Variants in GTF3C1 observed in about 807,000 individuals in gnomAD.
GTF3C1 encodes general transcription factor IIIC subunit 1.
A neutral mutation model predicts 226.7 loss-of-function variants in GTF3C1; 57 were observed. That is an observed-to-expected ratio of 0.25 (90% CI 0.20 to 0.31). The LOEUF (loss-of-function observed/expected upper bound fraction) is 0.31, where lower values mean the gene tolerates loss of function less well. Ranked by LOEUF, GTF3C1 falls within the 10% of genes least tolerant of loss-of-function variation. The probability of loss-of-function intolerance (pLI) is 1.00; values close to 1 mark genes in which losing one functional copy is unlikely to be tolerated. For missense variants in GTF3C1, 2,217 were observed against 2,776.1 expected, an observed-to-expected ratio of 0.80 and a Z score of 4.53; for synonymous variants, 1,090 against 1,084.8, an observed-to-expected ratio of 1.00 and a Z score of -0.09.
chr16:27,540,452 A>T (rs994238236), intron 2 of GTF3C1, among the ~76,000 whole-genome samples: 1 of 152,236 alleles, frequency 6.6e-6, no homozygotes, highest in Non-Finnish European at 1.5e-5. Flanking sequence ...TTAAAACGTC[A>T]TTACTCTGAC....
At chr16:27,468,867 G>C (rs1217501683) in intron 32 of GTF3C1, among the ~76,000 whole-genome samples, 1 of 152,238 alleles carries the variant, frequency 6.6e-6, no homozygotes, top group Non-Finnish European at 1.5e-5. Context: ...TTCCTAGCAA[G>C]GGGTCAAAAG....
rs150021549 is a variant in GTF3C1, at chr16:27,512,522, C to T, written c.974-621G>A. On this transcript the variant is annotated intron_variant, in intron 6 of 36. Coordinates refer to ENST00000356183, the MANE Select transcript of GTF3C1 (RefSeq NM_001520.4). ...TACAGCACTCTTTATAGCATCAGAG[C>T]GATCTTATGCATACTACAAAAAAAC... Among the ~76,000 whole-genome samples the T allele has an allele frequency of 3.9e-3, 595 of 152,180 alleles. 4 individuals are homozygous for T. The highest frequency in any genetic ancestry group is 5.8e-3 in the Non-Finnish European group (397 of 68,018).
At chr16:27,527,859 C>T (rs1000162721) in intron 6 of GTF3C1, among the ~76,000 whole-genome samples, 1 of 151,378 alleles carries the variant, frequency 6.6e-6, no homozygotes, top group Non-Finnish European at 1.5e-5. Flanking sequence ...AAAAATTAGT[C>T]GGGTGTGGTG....
chr16:27,524,603 TGTTAGTTTCAA>T (rs2088801655), intron 6 of GTF3C1, among the ~76,000 whole-genome samples: 2 of 152,130 alleles, frequency 1.3e-5, no homozygotes, highest in African/African-American at 4.8e-5. Flanking sequence ...AGGTGTGAGG[TGTTAGTTTCAA>T]GTTAGTTTGG....
chr16:27,505,719 C>A (rs924744993), intron 10 of GTF3C1, among the ~76,000 whole-genome samples, 180 bp downstream of exon 10: 2 of 152,236 alleles, frequency 1.3e-5, no homozygotes, highest in African/African-American at 4.8e-5. Context: ...AGGGCCCAGG[C>A]TGCGTGAAAG....
chr16:27,547,107 G>A (rs575365733), intron 1 of GTF3C1, among the ~76,000 whole-genome samples: 41 of 152,170 alleles, frequency 2.7e-4, no homozygotes, highest in African/African-American at 9.2e-4. Context: ...TGACCTGACT[G>A]TCCTCTACCT....
intron 6 of GTF3C1, among the ~76,000 whole-genome samples, chr16:27,514,809 G>A (rs1017377664): frequency 1.8e-4 from 28 of 152,328 alleles, no homozygotes; most frequent in East Asian, 9.6e-4. Flanking sequence ...GCATTTACCA[G>A]GCAGTCTGGC....
chr16:27,509,420 C>A (rs1359972447), intron 7 of GTF3C1, among the ~76,000 whole-genome samples: 1 of 152,168 alleles, frequency 6.6e-6, no homozygotes, highest in Non-Finnish European at 1.5e-5. Context: ...AGCACATGAG[C>A]CGCAAGGCAG....
chr16:27,474,713 G>A (rs2087927271), intron 29 of GTF3C1, among the ~76,000 whole-genome samples: 1 of 152,112 alleles, frequency 6.6e-6, no homozygotes, highest in South Asian at 2.1e-4. Flanking sequence ...ACAGGGCTTT[G>A]CTTTCATCTA....
intron 2 of GTF3C1, among the ~76,000 whole-genome samples, chr16:27,542,643 G>A (rs2089103127): frequency 6.6e-6 from 1 of 152,110 alleles, no homozygotes; most frequent in African/African-American, 2.4e-5. Context: ...TTGGGTAGTG[G>A]GGGATGGATC....
intron 1 of GTF3C1, among the ~76,000 whole-genome samples, chr16:27,547,086 G>C (rs2089176576): frequency 6.6e-6 from 1 of 152,002 alleles, no homozygotes; most frequent in Non-Finnish European, 1.5e-5. Flanking sequence ...CAAACTTCCA[G>C]AACACCACTC....
At position 27,463,375 on chromosome 16, in the gene GTF3C1, C is replaced by T. The variant is rs984199806; in HGVS notation, c.5924+166G>A. The T allele has an allele frequency of 1.4e-5, 9 of 657,774 alleles. No homozygotes were observed. Among genetic ancestry groups the T allele is most frequent in the African/African-American group, 5.4e-5 (3 of 55,276 alleles). 40.7% of individuals were successfully genotyped at this position (657,774 alleles called of 1,614,324 possible). ...GCCAGTGCTCAGCACGCCTGCTGCT[C>T]GCCCACTGCGCCCCTCCAAGTACCC... On this transcript the variant is annotated intron_variant, in intron 35 of 36. Transcript: ENST00000356183. This position sits in a 1 kb window ranked among gnomAD's most constrained non-coding sequence, Gnocchi z 4.9.
Position 27,549,861 on chromosome 16 carries a change from T to C in GTF3C1, c.30A>G (p.Glu10=), listed in dbSNP as rs145978655. MDALESLLD[E]VALEGLDGLC... ...GGCCATCGAGCCCCTCCAGAGCGAC[T>C]TCGTCCAACAACGACTCCAGCGCGT... Residue 10 remains glutamate, a synonymous_variant, in exon 1 of 37, where the codon GAA becomes GAG. Coordinates refer to ENST00000356183, the MANE Select transcript of GTF3C1 (RefSeq NM_001520.4). 102 of 1,612,708 alleles carry C rather than the reference T, an allele frequency of 6.3e-5. No individual in the cohort carries two copies. The highest frequency in any genetic ancestry group is 8.1e-5 in the Non-Finnish European group (96 of 1,179,628).
At chr16:27,468,052 G>A (rs748448752) in intron 32 of GTF3C1, among the ~76,000 whole-genome samples, 1 of 152,008 alleles carries the variant, frequency 6.6e-6, no homozygotes, top group African/African-American at 2.4e-5. Context: ...GAGTTTGGAA[G>A]AAATTTATTC....
intron 26 of GTF3C1, 129 bp from the exon 27 acceptor site, chr16:27,481,320 C>A: frequency 1.2e-5 from 9 of 728,666 alleles, no homozygotes; most frequent in Non-Finnish European, 1.9e-5. Flanking sequence ...TGACCAGGTG[C>A]CTCCCCTGGT....
Position 27,489,590 on chromosome 16 carries a change from A to G in GTF3C1, c.3293+12T>C. ...CCAGTCCTGGCCGGCCGCGCTTGGG[A>G]CGGACACGCACGTGGTGTACTCCAG... On this transcript the variant is annotated intron_variant, in intron 20 of 36. Coordinates refer to ENST00000356183, the MANE Select transcript of GTF3C1 (RefSeq NM_001520.4). 6.3e-7 allele frequency: 1 copy of G among 1,598,624 alleles called. No individual in the cohort carries two copies. The highest frequency in any genetic ancestry group is 1.7e-4 in the Middle Eastern group (1 of 6,022).
chr16:27,475,651 C>G (rs1274643447), intron 29 of GTF3C1, among the ~76,000 whole-genome samples: 1 of 152,170 alleles, frequency 6.6e-6, no homozygotes, highest in East Asian at 1.9e-4. Flanking sequence ...CCACTGACTT[C>G]CCAGGCTCCA....
chr16:27,502,732 T>G, intron 11 of GTF3C1, 127 bp downstream of exon 11: 4 of 962,856 alleles, frequency 4.2e-6, no homozygotes, highest in Non-Finnish European at 6.2e-6. Context: ...AGGAACGAGA[T>G]GAGAATCTAC....
intron 2 of GTF3C1, among the ~76,000 whole-genome samples, chr16:27,544,739 C>T (rs1343468022): frequency 6.6e-6 from 1 of 151,992 alleles, no homozygotes; most frequent in African/African-American, 2.4e-5. Flanking sequence ...AATGGCTTGG[C>T]AGCACAGGGC....
Sources: allele counts gnomAD v4.1 joint callset (sites outside exome capture counted in the v4.1 genomes callset), GRCh38; gene constraint gnomAD v4.1.1; non-coding constraint Gnocchi (gnomAD v3.1); transcripts MANE v1.5; gene names NCBI Gene and HGNC (gene_info 2026-07-23, HGNC 2026-07-21).